The following KCNQ1 variants were observed in gnomAD, a reference collection of about 807,000 sequenced individuals.
KCNQ1 encodes the protein potassium voltage-gated channel subfamily Q member 1.
KCNQ1 carries 49 observed loss-of-function variants against 72.4 expected under a neutral mutation model. The ratio of observed to expected loss-of-function variants is 0.68; its 90% CI spans 0.54 to 0.86. KCNQ1 has a LOEUF of 0.86. Ranked by LOEUF, KCNQ1 falls within the 40% of genes least tolerant of loss-of-function variation. The pLI is 0.00. For synonymous variants in KCNQ1, 450 were observed against 412.6 expected, an observed-to-expected ratio of 1.09 and a Z score of -1.10; for missense variants, 790 against 945.1, an observed-to-expected ratio of 0.84 and a Z score of 2.15.
chr11:2,733,774 C>CACA (rs1845891956), intron 11 of KCNQ1, among the ~76,000 whole-genome samples: 28 of 57,566 alleles, frequency 4.9e-4, no homozygotes, highest in Non-Finnish European at 9.0e-4. Context: ...TTCAGGCCTT[C>CACA]CACACACACA....
At position 2,587,021 on chromosome 11, in the gene KCNQ1, T is replaced by G. The variant is rs1246395233; in HGVS notation, c.1129-549T>G. The stretch of plus-strand genomic sequence containing the variant: ...AATGCTGGCTTCAGAGCTGCACCCA[T>G]GTGCCATCAGAGGCTCCCCCAACTG... On this transcript the variant is annotated intron_variant, in intron 8 of 15. Transcript: ENST00000155840. Among the ~76,000 whole-genome samples, 3 of 152,116 alleles carry G rather than the reference T, an allele frequency of 2.0e-5. No homozygotes were observed. In the South Asian group the frequency reaches 6.2e-4, roughly 31 times the overall value.
In KCNQ1 at chr11:2,598,706, A is replaced by G. The variant is rs954703014; in HGVS notation, c.1393+9852A>G. ...TTCTAAAAATTGAGTGGCAGGTTTC[A>G]TGGAGTGGTTTGGAGCACAGCCTAT... On this transcript the variant is annotated intron_variant, in intron 10 of 15. Coordinates refer to ENST00000155840, the MANE Select transcript of KCNQ1 (RefSeq NM_000218.3). This position sits in a 1 kb window ranked among gnomAD's most constrained non-coding sequence, Gnocchi z 6.2. 1.1e-4 allele frequency among the ~76,000 whole-genome samples: 17 copies of G among 152,206 alleles called. No individual in the cohort carries two copies. Among genetic ancestry groups the G allele is most frequent in the African/African-American group, 4.1e-4 (17 of 41,520 alleles).
intron 1 of KCNQ1, among the ~76,000 whole-genome samples, chr11:2,480,960 G>A (rs1846641454): frequency 6.6e-6 from 1 of 152,186 alleles, no homozygotes; most frequent in South Asian, 2.1e-4. Flanking sequence ...CCGCAGGCAA[G>A]TCTAAGCAGA....
Position 2,745,173 on chromosome 11 carries a change from T to C in KCNQ1, c.1515-23671T>C, listed in dbSNP as rs1846118033. On this transcript the variant is annotated intron_variant, in intron 11 of 15. Transcript: ENST00000155840. The surrounding 1 kb of genome is among the most constrained non-coding windows in gnomAD (Gnocchi z 6.2). ...ACTTTAAAGTTAAGTTTATTGCATT[T>C]CTTAAAAATTTCAACTGGAAGTTTG... 6.6e-6 allele frequency among the ~76,000 whole-genome samples: 1 copy of C among 152,252 alleles called. No individual in the cohort carries two copies.
At chr11:2,655,604 G>A in intron 10 of KCNQ1, 4 of 398,694 alleles carry the variant, frequency 1.0e-5, no homozygotes, top group Non-Finnish European at 1.3e-5. Flanking sequence ...AGACCTGTTA[G>A]GGCACAGCAC....
rs1194583872 is a variant in KCNQ1, at chr11:2,526,844, G to T, written c.387-1084G>T. Reference sequence around the variant, plus strand: ...ATCTCAGGGAGCGGAGGGAGCCTGGGGCACCCTATGCCAGGCAGAGGATCT... The same window carrying T: ...ATCTCAGGGAGCGGAGGGAGCCTGGTGCACCCTATGCCAGGCAGAGGATCT... On this transcript the variant is annotated intron_variant, in intron 1 of 15. Coordinates refer to ENST00000155840, the MANE Select transcript of KCNQ1 (RefSeq NM_000218.3). This position sits in a 1 kb window ranked among gnomAD's most constrained non-coding sequence, Gnocchi z 6.1. Among the ~76,000 whole-genome samples the T allele has an allele frequency of 6.6e-6, 1 of 152,072 alleles. No homozygotes were observed. Among genetic ancestry groups the T allele is most frequent in the Non-Finnish European group, 1.5e-5 (1 of 67,986 alleles).
chr11:2,523,212 G>T lies in KCNQ1; in HGVS notation c.387-4716G>T, dbSNP rs1157114460. ...AATTTAATTTAATTTTTTTTTTTTT[G>T]TGGTGGAGTCTTGCTCTGTCACCCA... On this transcript the variant is annotated intron_variant, in intron 1 of 15. Coordinates refer to ENST00000155840, the MANE Select transcript of KCNQ1 (RefSeq NM_000218.3). Among the ~76,000 whole-genome samples, 612 of 133,856 alleles carry T rather than the reference G, an allele frequency of 4.6e-3. 4 individuals carry two copies. Among genetic ancestry groups the T allele is most frequent in the African/African-American group, 0.017 (563 of 33,190 alleles). The allele number at this position is 133,856 out of a possible 152,430, so 87.8% of individuals were successfully genotyped here.
chr11:2,634,219 TG>T, intron 10 of KCNQ1: 1 of 394,390 alleles, frequency 2.5e-6, no homozygotes. Context: ...GTGCACAACG[TG>T]CAGGTTTGTT....
rs1011108298 is a variant in KCNQ1 at position 2,835,423 on chromosome 11, A to G, written c.1795-12344A>G. On this transcript the variant is annotated intron_variant, in intron 15 of 15. Coordinates refer to ENST00000155840, the MANE Select transcript of KCNQ1 (RefSeq NM_000218.3). ...CACACACACACACACACACACACAC[A>G]CACACGCACACATGCAGGCCAGGCT... 3.5e-3 allele frequency among the ~76,000 whole-genome samples: 536 copies of G among 151,860 alleles called. 4 individuals are homozygous for G. Among genetic ancestry groups the G allele is most frequent in the African/African-American group, 0.012 (504 of 41,410 alleles).
At position 2,478,373 on chromosome 11, in the gene KCNQ1, G is replaced by A. The variant is rs1204164216; in HGVS notation, c.386+32889G>A. On this transcript the variant is annotated intron_variant, in intron 1 of 15. Coordinates refer to ENST00000155840, the MANE Select transcript of KCNQ1 (RefSeq NM_000218.3). This position sits in a 1 kb window ranked among gnomAD's most constrained non-coding sequence, Gnocchi z 4.0. The stretch of plus-strand genomic sequence containing the variant: ...ACTGATAAAGACATACCTGAGACTG[G>A]ATAATTTATAAAGGGAAGAGGTTTA... Among the ~76,000 whole-genome samples, 1 of 152,138 alleles carries A rather than the reference G, an allele frequency of 6.6e-6. No homozygotes were observed. Among genetic ancestry groups the A allele is most frequent in the African/African-American group, 2.4e-5 (1 of 41,418 alleles).
intron 15 of KCNQ1, among the ~76,000 whole-genome samples, chr11:2,845,472 A>G (rs1204463018): frequency 6.6e-6 from 1 of 152,262 alleles, no homozygotes; most frequent in South Asian, 2.1e-4. Context: ...CTTGGGTGTG[A>G]GAGACCCCGG....
At position 2,679,698 on chromosome 11, in the gene KCNQ1, A is replaced by T. The variant is rs1850355461; in HGVS notation, c.1514+17617A>T. ...AGGATCCCAGATTAGATTTTTTTTA[A>T]ATCAGCCGTTCTCTGTATTCTTGTC... is the stretch of plus-strand genomic sequence containing the variant. On this transcript the variant is annotated intron_variant, in intron 11 of 15. Coordinates refer to ENST00000155840, the MANE Select transcript of KCNQ1 (RefSeq NM_000218.3). This position sits in a 1 kb window ranked among gnomAD's most constrained non-coding sequence, Gnocchi z 4.8. The T allele has an allele frequency of 2.5e-6, 1 of 398,416 alleles. No homozygotes were observed. Among genetic ancestry groups the T allele is most frequent in the South Asian group, 1.3e-4 (1 of 7,852 alleles). 24.7% of individuals were successfully genotyped at this position (398,416 alleles called of 1,614,324 possible).
chr11:2,828,785 C>G lies in KCNQ1; in HGVS notation c.1795-18982C>G, dbSNP rs1436881897. Among the ~76,000 whole-genome samples, 1 of 152,238 alleles carries G rather than the reference C, an allele frequency of 6.6e-6. No homozygotes were observed. Among genetic ancestry groups the G allele is most frequent in the African/African-American group, 2.4e-5 (1 of 41,466 alleles). On this transcript the variant is annotated intron_variant, in intron 15 of 15. Transcript: ENST00000155840. The surrounding 1 kb of genome is among the most constrained non-coding windows in gnomAD (Gnocchi z 5.3). ...AGCTAAAAAGGAAGACCTCCTCCCC[C>G]ACTTCCCTCATCAACTCCCAGAATG... is the stretch of plus-strand genomic sequence containing the variant.
chr11:2,528,439 C>A (rs1430233749), intron 2 of KCNQ1, among the ~76,000 whole-genome samples: 3 of 152,232 alleles, frequency 2.0e-5, no homozygotes, highest in African/African-American at 7.2e-5. Flanking sequence ...GCAGCCCCCA[C>A]CCCAGGCACC....
At position 2,627,394 on chromosome 11, in the gene KCNQ1, G is replaced by C. The variant is rs11023535; in HGVS notation, c.1394-34567G>C. 2.5e-6 allele frequency: 1 copy of C among 398,240 alleles called. No individual in the cohort carries two copies. Among genetic ancestry groups the C allele is most frequent in the South Asian group, 1.3e-4 (1 of 7,846 alleles). The allele number at this position is 398,240 out of a possible 1,614,324, so 24.7% of individuals were successfully genotyped here. On this transcript the variant is annotated intron_variant, in intron 10 of 15. Coordinates refer to ENST00000155840, the MANE Select transcript of KCNQ1 (RefSeq NM_000218.3). This position sits in a 1 kb window ranked among gnomAD's most constrained non-coding sequence, Gnocchi z 4.9. Reference sequence around the variant, plus strand: ...ATTAACTATAGTCACCAATCTGGACGTTATGTCAAGAACTTATTCATCTGA... The same window carrying C: ...ATTAACTATAGTCACCAATCTGGACCTTATGTCAAGAACTTATTCATCTGA...
At chr11:2,702,543 A>G (rs953099292) in intron 11 of KCNQ1, among the ~76,000 whole-genome samples, 1 of 152,250 alleles carries the variant, frequency 6.6e-6, no homozygotes, top group East Asian at 1.9e-4. Context: ...TACACTTAAC[A>G]AAACTGTGGG....
In KCNQ1 at chr11:2,759,723, AG is replaced by A. The variant is rs1262856000; in HGVS notation, c.1515-9117del. On this transcript the variant is annotated intron_variant, in intron 11 of 15. Transcript: ENST00000155840. The surrounding 1 kb of genome is among the most constrained non-coding windows in gnomAD (Gnocchi z 4.4). ...AGCTTGTCCAGGCAGGGTGGATACAAGGGGCTTGCATCTGACTTAACTGTCT... is the reference window on the plus strand; with the variant it reads ...AGCTTGTCCAGGCAGGGTGGATACAAGGGCTTGCATCTGACTTAACTGTCT... Among the ~76,000 whole-genome samples, 1 of 152,194 alleles carries A rather than the reference AG, an allele frequency of 6.6e-6. No individual in the cohort carries two copies. The highest frequency in any genetic ancestry group is 1.9e-4 in the East Asian group (1 of 5,190).
chr11:2,610,775 C>G (rs1848968565), intron 10 of KCNQ1: 1 of 167,268 alleles, frequency 6.0e-6, no homozygotes, highest in Non-Finnish European at 1.1e-5. Context: ...TGTTACCCCA[C>G]TACTTTCTGG....
Position 2,815,445 on chromosome 11 carries a change from C to T in KCNQ1, c.1795-32322C>T, listed in dbSNP as rs1487073085. Among the ~76,000 whole-genome samples, 1 of 152,112 alleles carries T rather than the reference C, an allele frequency of 6.6e-6. No individual in the cohort carries two copies. The highest frequency in any genetic ancestry group is 1.5e-5 in the Non-Finnish European group (1 of 68,012). On this transcript the variant is annotated intron_variant, in intron 15 of 15. Coordinates refer to ENST00000155840, the MANE Select transcript of KCNQ1 (RefSeq NM_000218.3). This position sits in a 1 kb window ranked among gnomAD's most constrained non-coding sequence, Gnocchi z 5.4. The stretch of plus-strand genomic sequence containing the variant: ...CTGAGTTCGGGGGACCCTCTCCTGG[C>T]CCTGTGGGGTCGGAGGAGGTCCTGG...
Sources: gnomAD v4.1 joint callset for allele counts (sites outside exome capture counted in the v4.1 genomes callset) on GRCh38, gnomAD v4.1.1 for gene constraint, Gnocchi (gnomAD v3.1) non-coding constraint, MANE v1.5 for transcripts, NCBI Gene and HGNC (gene_info 2026-07-23, HGNC 2026-07-21) for gene names.